TRIP12: variants seen among roughly 807,000 people sequenced by gnomAD.
TRIP12 encodes E3 ubiquitin-protein ligase TRIP12.
In TRIP12, 25 loss-of-function variants were observed where a neutral mutation model predicts 244.2. The ratio of observed to expected loss-of-function variants is 0.10; its 90% CI spans 0.07 to 0.14. The LOEUF (loss-of-function observed/expected upper bound fraction) is 0.14. TRIP12 is among the 10% of genes least tolerant of loss of function. TRIP12 has a pLI of 1.00. For synonymous variants in TRIP12, 905 were observed against 873.1 expected (o/e 1.04, Z -0.64); for missense variants, 1,677 against 2,486.4 (o/e 0.67, Z 6.92).
chr2:229,881,731 G>A (rs970798784), intron 1 of TRIP12, among the ~76,000 whole-genome samples: 8 of 152,142 alleles, frequency 5.3e-5, no homozygotes, highest in African/African-American at 1.9e-4. Flanking sequence ...TTAAACTTAT[G>A]CGTACTGATA....
rs751693117 is a variant in TRIP12 at position 229,815,129 on chromosome 2, T to A, written c.1701A>T (p.Val567=). 6.2e-7 allele frequency: 1 copy of A among 1,612,998 alleles called. No individual in the cohort carries two copies. Among genetic ancestry groups the A allele is most frequent in the Non-Finnish European group, 8.5e-7 (1 of 1,179,544 alleles). ...CTAAAAAGACAGGAATAGCATCTAC[T>A]ACAACAGCAGAAGATCGAGGAAGTG... ...MEALPRSSAV[V]VDAIPVFLEK... Residue 567 remains valine (V), a synonymous_variant, in exon 11 of 42, where the codon GTA becomes GTT. Coordinates refer to ENST00000675903, the MANE Select transcript of TRIP12 (RefSeq NM_001348323.3).
intron 8 of TRIP12, among the ~76,000 whole-genome samples, chr2:229,820,491 G>A (rs746534452): frequency 2.0e-5 from 3 of 151,836 alleles, no homozygotes; most frequent in Non-Finnish European, 4.4e-5. Context: ...AACTACTGAG[G>A]TACCACAAAG....
chr2:229,863,139 G>A (rs1321666708), intron 2 of TRIP12, among the ~76,000 whole-genome samples: 8 of 151,044 alleles, frequency 5.3e-5, no homozygotes, highest in Non-Finnish European at 1.2e-4. Flanking sequence ...TGAGGCAGAA[G>A]AATTGCTTGA....
intron 2 of TRIP12, 108 bp from the exon 3 acceptor site, chr2:229,860,639 G>A (rs1450675374): frequency 2.3e-5 from 24 of 1,037,038 alleles, no homozygotes; most frequent in African/African-American, 5.0e-5. Context: ...ACAATTCATT[G>A]TTGACCCTAC....
At chr2:229,786,264 C>T (rs367615277) in intron 33 of TRIP12, among the ~76,000 whole-genome samples, 5 of 152,132 alleles carry the variant, frequency 3.3e-5, no homozygotes, top group Non-Finnish European at 5.9e-5. Flanking sequence ...AACCTACTGG[C>T]TCTGATCTGC....
intron 7 of TRIP12, among the ~76,000 whole-genome samples, chr2:229,830,276 T>C (rs879256598): frequency 6.6e-6 from 1 of 152,142 alleles, no homozygotes; most frequent in Non-Finnish European, 1.5e-5. Context: ...ATGCTGCAGG[T>C]TGCAATTTTT....
intron 2 of TRIP12, among the ~76,000 whole-genome samples, chr2:229,876,862 ATG>A (rs2063688048): frequency 6.6e-6 from 1 of 152,014 alleles, no homozygotes; most frequent in Admixed American, 6.6e-5. Context: ...AAACTTCTAC[ATG>A]TGTCTTGTGA....
intron 15 of TRIP12, 120 bp from the exon 16 acceptor site, chr2:229,808,489 A>C: frequency 1.5e-6 from 1 of 675,088 alleles, no homozygotes; most frequent in Non-Finnish European, 2.5e-6. Context: ...AAGCAACATA[A>C]TGCAGAAATT....
chr2:229,831,150 A>C (rs1280119253), intron 6 of TRIP12: 2 of 714,980 alleles, frequency 2.8e-6, no homozygotes, highest in Non-Finnish European at 5.2e-6. Context: ...CCCTCTTCTG[A>C]AAGTCAATAA....
chr2:229,875,137 A>T (rs2063365364), intron 2 of TRIP12, among the ~76,000 whole-genome samples: 1 of 152,184 alleles, frequency 6.6e-6, no homozygotes, highest in Admixed American at 6.5e-5. Context: ...TTAGAGAGGA[A>T]AGGGGCTAAG....
chr2:229,811,057 CAAG>C lies in TRIP12; in HGVS notation c.2056-15_2056-13del, dbSNP rs780969682. On this transcript the variant is annotated splice_polypyrimidine_tract_variant and intron_variant, in intron 14 of 41. Coordinates refer to ENST00000675903, the MANE Select transcript of TRIP12 (RefSeq NM_001348323.3). Reference sequence around the variant, plus strand: ...TGCTGGAGTAAATTCTTCACAAACACAAGAATAAAGGAATTATTACATCAAGAT... The same window carrying C: ...TGCTGGAGTAAATTCTTCACAAACACAATAAAGGAATTATTACATCAAGAT... 1.2e-6 allele frequency: 2 copies of C among 1,613,718 alleles called. No individual in the cohort carries two copies. Among genetic ancestry groups the C allele is most frequent in the South Asian group, 2.2e-5 (2 of 91,026 alleles).
At chr2:229,769,355 T>G in intron 39 of TRIP12, 30 bp from the exon 40 acceptor site, 1 of 1,603,896 alleles carries the variant, frequency 6.2e-7, no homozygotes, top group South Asian at 1.1e-5. Flanking sequence ...TAAAAAGAAT[T>G]ACTAAGGAAA....
intron 15 of TRIP12, 148 bp from the exon 16 acceptor site, chr2:229,808,517 A>G: frequency 3.3e-6 from 2 of 603,588 alleles, no homozygotes; most frequent in Non-Finnish European, 5.7e-6. Flanking sequence ...AAAATGCAAA[A>G]GTGCTGTAAT....
rs866079762 is a variant in TRIP12, at chr2:229,771,583, G to A, written c.5744C>T (p.Ser1915Leu). ...GACTGATTCAAATCCATCTCTGAAC[G>A]AATCAAATTGCCTAGAAACGCCTTC... ...LNEGVSRQFD[S>L]FRDGFESVFP... is the part of the protein sequence containing the mutation. The change falls in exon 39 of 42, where the codon TCG (serine) becomes TTG (leucine). Residue 1915 changes from serine (S) to leucine (L), a missense_variant. Physicochemically the swap from Ser to Leu is moderately radical, Grantham distance 145. Coordinates refer to ENST00000675903, the MANE Select transcript of TRIP12 (RefSeq NM_001348323.3). The A allele has an allele frequency of 6.2e-7, 1 of 1,613,986 alleles. No individual in the cohort carries two copies. The highest frequency in any genetic ancestry group is 1.3e-5 in the African/African-American group (1 of 75,032).
At chr2:229,819,649 A>G (rs567267612) in intron 8 of TRIP12, among the ~76,000 whole-genome samples, 5 of 152,306 alleles carry the variant, frequency 3.3e-5, no homozygotes, top group African/African-American at 1.2e-4. Context: ...ACACTTAACC[A>G]ATCTTATATG....
intron 1 of TRIP12, among the ~76,000 whole-genome samples, chr2:229,888,492 A>G (rs1188575373): frequency 6.6e-6 from 1 of 152,220 alleles, no homozygotes; most frequent in Non-Finnish European, 1.5e-5. Context: ...AGAACTTACC[A>G]CAAGCACTGG....
At chr2:229,833,094 C>T (rs923687776) in intron 6 of TRIP12, among the ~76,000 whole-genome samples, 1 of 152,170 alleles carries the variant, frequency 6.6e-6, no homozygotes, top group African/African-American at 2.4e-5. Flanking sequence ...AGACCTACAA[C>T]CATTAAAGGT....
Position 229,859,168 on chromosome 2 carries a change from C to T in TRIP12, c.631G>A (p.Glu211Lys), listed in dbSNP as rs746201896. The part of the protein sequence containing the change: ...SGSGSESTGA[E>K]ERSAKPTKLA... Reference sequence around the variant, plus strand: ...TTGGTAGGTTTCGCAGATCTCTCTTCTGCACCAGTTGATTCAGACCCGGAG... The same window carrying T: ...TTGGTAGGTTTCGCAGATCTCTCTTTTGCACCAGTTGATTCAGACCCGGAG... Residue 211 changes from glutamate to lysine, a missense_variant, in exon 4 of 42, where the codon GAA becomes AAA. Coordinates refer to ENST00000675903, the MANE Select transcript of TRIP12 (RefSeq NM_001348323.3). 6.2e-7 allele frequency: 1 copy of T among 1,614,172 alleles called. No individual in the cohort carries two copies. The highest frequency in any genetic ancestry group is 1.1e-5 in the South Asian group (1 of 91,082).
intron 8 of TRIP12, among the ~76,000 whole-genome samples, chr2:229,826,979 C>G (rs1172016786): frequency 6.6e-6 from 1 of 151,918 alleles, no homozygotes; most frequent in East Asian, 1.9e-4. Flanking sequence ...TAAGAAATAT[C>G]TTTCTTAAAG....
Sources: allele counts gnomAD v4.1 joint callset (sites outside exome capture counted in the v4.1 genomes callset), GRCh38; gene constraint gnomAD v4.1.1; transcripts MANE v1.5; gene names NCBI Gene and HGNC (gene_info 2026-07-23, HGNC 2026-07-21).